The following CCDC152 variants were observed in gnomAD, a reference collection of about 807,000 sequenced individuals.
The protein encoded by CCDC152 is coiled-coil domain containing 152.
Under a neutral mutation model 38.1 loss-of-function variants are expected in CCDC152, and 37 were observed. The observed-to-expected ratio is 0.97, with a 90% confidence interval of 0.75 to 1.28. The LOEUF (loss-of-function observed/expected upper bound fraction) is 1.28, where lower values mean the gene tolerates loss of function less well. Ranked by LOEUF, CCDC152 falls within the 50% of genes most tolerant of loss-of-function variation. The pLI, the probability that CCDC152 is intolerant of heterozygous loss-of-function variation, is 0.00. For missense variants in CCDC152, 259 were observed against 292.1 expected, an observed-to-expected ratio of 0.89 and a Z score of 0.83; for synonymous variants, 83 against 87.1, an observed-to-expected ratio of 0.95 and a Z score of 0.26.
chr5:42,787,152 C>T (rs1759931956), intron 6 of CCDC152, among the ~76,000 whole-genome samples: 1 of 151,968 alleles, frequency 6.6e-6, no homozygotes, highest in Non-Finnish European at 1.5e-5. Flanking sequence ...CTGTAGATGT[C>T]TATTAGGTTC....
At chr5:42,793,447 C>T (rs569757987) in intron 6 of CCDC152, among the ~76,000 whole-genome samples, 1 of 152,018 alleles carries the variant, frequency 6.6e-6, no homozygotes, top group Non-Finnish European at 1.5e-5. Flanking sequence ...TGCAGTAAAT[C>T]TGACTTTAAA....
At chr5:42,777,100 G>A (rs1449505647) in intron 4 of CCDC152, among the ~76,000 whole-genome samples, 1 of 151,946 alleles carries the variant, frequency 6.6e-6, no homozygotes, top group East Asian at 1.9e-4. Context: ...TCAATAGAGA[G>A]CAATGAAACT....
At position 42,790,247 on chromosome 5, in the gene CCDC152, G is replaced by A. The variant is rs141611908; in HGVS notation, c.431-6582G>A. Reference sequence around the variant, plus strand: ...AGCACTTTGGGAGGCCAAGGCGGGCGGATTACCTGAGGTTGGGAGTTCGAG... The same window carrying A: ...AGCACTTTGGGAGGCCAAGGCGGGCAGATTACCTGAGGTTGGGAGTTCGAG... On this transcript the variant is annotated intron_variant, in intron 6 of 8. Transcript: ENST00000361970. Among the ~76,000 whole-genome samples, 803 of 152,132 alleles carry A rather than the reference G, an allele frequency of 5.3e-3. 8 individuals carry two copies. The highest frequency in any genetic ancestry group is 0.018 in the African/African-American group (765 of 41,514).
chr5:42,770,630 GT>G (rs1177052533), intron 4 of CCDC152, among the ~76,000 whole-genome samples: 3 of 151,976 alleles, frequency 2.0e-5, no homozygotes, highest in African/African-American at 7.3e-5. Context: ...GGTCTTTTGT[GT>G]TTCCATATGG....
intron 2 of CCDC152, 48 bp from the exon 3 acceptor site, chr5:42,762,395 A>G (rs915808428): frequency 5.1e-6 from 5 of 980,390 alleles, no homozygotes; most frequent in Admixed American, 5.2e-5. Flanking sequence ...AAAAAATTAA[A>G]CTAGCAGCAT....
At chr5:42,785,173 G>A (rs181776365) in intron 6 of CCDC152, among the ~76,000 whole-genome samples, 1 of 152,076 alleles carries the variant, frequency 6.6e-6, no homozygotes, top group East Asian at 1.9e-4. Flanking sequence ...AATTGAATAT[G>A]TAGATTGCTT....
intron 6 of CCDC152, among the ~76,000 whole-genome samples, chr5:42,794,318 G>A (rs908499665): frequency 6.6e-6 from 1 of 152,166 alleles, no homozygotes; most frequent in African/African-American, 2.4e-5. Flanking sequence ...ATGACATGAC[G>A]ACCTGCAGGA....
intron 5 of CCDC152, 51 bp downstream of exon 5, chr5:42,779,573 T>A (rs1302459486): frequency 9.7e-7 from 1 of 1,035,802 alleles, no homozygotes; most frequent in Non-Finnish European, 1.4e-6. Flanking sequence ...AGATTTATCT[T>A]TTCAAATTAG....
chr5:42,777,425 G>A (rs114319440), intron 4 of CCDC152, among the ~76,000 whole-genome samples: 6,831 of 150,274 alleles, frequency 0.045, 223 homozygotes, highest in Middle Eastern at 0.1. Flanking sequence ...TCGCGCCATC[G>A]CACTCCAGCC....
chr5:42,765,010 T>TA (rs1299137342), intron 3 of CCDC152, among the ~76,000 whole-genome samples: 1 of 152,228 alleles, frequency 6.6e-6, no homozygotes, highest in Non-Finnish European at 1.5e-5. Flanking sequence ...GATATGGACT[T>TA]ACATTTGGAA....
At chr5:42,786,876 A>G (rs921510848) in intron 6 of CCDC152, among the ~76,000 whole-genome samples, 1 of 151,404 alleles carries the variant, frequency 6.6e-6, no homozygotes, top group Non-Finnish European at 1.5e-5. Context: ...ATAAGTTTTC[A>G]TTTCTGTTTT....
At chr5:42,782,073 C>T (rs1349281024) in intron 5 of CCDC152, among the ~76,000 whole-genome samples, 1 of 152,194 alleles carries the variant, frequency 6.6e-6, no homozygotes, top group Non-Finnish European at 1.5e-5. Flanking sequence ...AAGCTAATCT[C>T]AGGCAGCTGT....
At chr5:42,777,853 T>C (rs563042899) in intron 4 of CCDC152, among the ~76,000 whole-genome samples, 1 of 152,330 alleles carries the variant, frequency 6.6e-6, no homozygotes, top group East Asian at 1.9e-4. Context: ...TTTGTCATTG[T>C]TTTGTTTAGC....
intron 3 of CCDC152, among the ~76,000 whole-genome samples, chr5:42,762,750 CAT>C (rs1759570226): frequency 6.6e-6 from 1 of 152,070 alleles, no homozygotes. Context: ...AATGAAGAAA[CAT>C]AGAATGAGAC....
chr5:42,769,539 G>A, intron 3 of CCDC152, 58 bp from the exon 4 acceptor site: 1 of 1,402,484 alleles, frequency 7.1e-7, no homozygotes, highest in African/African-American at 1.5e-5. Flanking sequence ...TCAACTGAGA[G>A]AATAATTCCA....
At chr5:42,773,615 G>C (rs1183944555) in intron 4 of CCDC152, among the ~76,000 whole-genome samples, 1 of 151,974 alleles carries the variant, frequency 6.6e-6, no homozygotes, top group Non-Finnish European at 1.5e-5. Flanking sequence ...TTTCAAAATG[G>C]ACAAGTAGTT....
intron 6 of CCDC152, among the ~76,000 whole-genome samples, chr5:42,785,984 T>C (rs1180704543): frequency 6.6e-6 from 1 of 152,132 alleles, no homozygotes; most frequent in Non-Finnish European, 1.5e-5. Flanking sequence ...CGTTTGATCC[T>C]GATGAATTAT....
At chr5:42,785,015 A>C (rs144709480) in intron 6 of CCDC152, among the ~76,000 whole-genome samples, 6 of 151,928 alleles carry the variant, frequency 3.9e-5, no homozygotes, top group African/African-American at 1.4e-4. Flanking sequence ...AGCCTTGTAG[A>C]ATAGTTTGAA....
intron 4 of CCDC152, among the ~76,000 whole-genome samples, chr5:42,774,881 A>G (rs1428672342): frequency 6.6e-6 from 1 of 152,204 alleles, no homozygotes; most frequent in East Asian, 1.9e-4. Flanking sequence ...TAAAGGCTCT[A>G]AACAGTGTAA....
Sources: allele counts gnomAD v4.1 joint callset (sites outside exome capture counted in the v4.1 genomes callset), GRCh38; gene constraint gnomAD v4.1.1; transcripts MANE v1.5; gene names NCBI Gene and HGNC (gene_info 2026-07-23, HGNC 2026-07-21).